SPG11: variants seen among roughly 807,000 people sequenced by gnomAD.
The protein encoded by SPG11 is spatacsin.
SPG11 carries 222 observed loss-of-function variants against 274.0 expected under a neutral mutation model. That is an observed-to-expected ratio of 0.81 (90% CI 0.73 to 0.91). The LOEUF (loss-of-function observed/expected upper bound fraction) is 0.91, where lower values mean the gene tolerates loss of function less well. Ranked by LOEUF, SPG11 falls within the 40% of genes least tolerant of loss-of-function variation. The pLI is 0.00. For synonymous variants in SPG11, 1,144 were observed against 1,039.7 expected (o/e 1.10, Z -1.93); for missense variants, 3,114 against 2,872.7 (o/e 1.08, Z -1.92).
intron 21 of SPG11, 44 bp downstream of exon 21, chr15:44,600,423 T>G: frequency 6.3e-7 from 1 of 1,598,434 alleles, no homozygotes; most frequent in Non-Finnish European, 8.6e-7. Context: ...GGATTACAGG[T>G]GTGAACCACT....
At chr15:44,603,673 C>T (rs2140989129) in intron 20 of SPG11, among the ~76,000 whole-genome samples, 1 of 152,200 alleles carries the variant, frequency 6.6e-6, no homozygotes, top group East Asian at 1.9e-4. Context: ...GGGATTGGTT[C>T]CTGAAACCCT....
chr15:44,621,626 T>C, intron 14 of SPG11, 133 bp downstream of exon 14: 2 of 889,920 alleles, frequency 2.2e-6, no homozygotes, highest in Non-Finnish European at 3.6e-6. Context: ...ATGCAACGAC[T>C]TGCATTTTAA....
At chr15:44,570,209 A>G (rs2082392259) in intron 34 of SPG11, among the ~76,000 whole-genome samples, 1 of 152,166 alleles carries the variant, frequency 6.6e-6, no homozygotes, top group African/African-American at 2.4e-5. Context: ...GGAAGGTCCA[A>G]ACCTTGTTTT....
At chr15:44,647,723 G>A in intron 7 of SPG11, among the ~76,000 whole-genome samples, 1 of 152,204 alleles carries the variant, frequency 6.6e-6, no homozygotes, top group East Asian at 1.9e-4. Context: ...AATCCAGTCA[G>A]AAAGTAGATT....
intron 39 of SPG11, among the ~76,000 whole-genome samples, chr15:44,563,531 T>G (rs1037498100): frequency 2.6e-5 from 4 of 152,162 alleles, no homozygotes; most frequent in Admixed American, 1.3e-4. Context: ...AGAGACAGCG[T>G]TCTGCTATGT....
At chr15:44,637,320 CT>C (rs1432345282) in intron 7 of SPG11, among the ~76,000 whole-genome samples, 1 of 151,980 alleles carries the variant, frequency 6.6e-6, no homozygotes, top group Non-Finnish European at 1.5e-5. Context: ...TTTGTTTTCC[CT>C]TTTTTCTTTG....
intron 28 of SPG11, chr15:44,588,764 C>T: frequency 3.2e-6 from 1 of 314,442 alleles, no homozygotes; most frequent in South Asian, 2.7e-5. Context: ...GCTCTCTACT[C>T]AGGGGATCGG....
At chr15:44,657,359 G>T in intron 3 of SPG11, 63 bp from the exon 4 acceptor site, 1 of 1,484,662 alleles carries the variant, frequency 6.7e-7, no homozygotes, top group Non-Finnish European at 9.4e-7. Context: ...TTAAAGCACA[G>T]GTTGGGAAAG....
chr15:44,636,925 CAAAAAAAAAAAAAAA>C (rs370928375), intron 7 of SPG11, among the ~76,000 whole-genome samples: 1,356 of 19,444 alleles, frequency 0.07, 18 homozygotes, highest in Non-Finnish European at 0.078. Flanking sequence ...GACTCCATCT[CAAAAAAAAAAAAAAA>C]AAAAAAAAAA....
At chr15:44,575,851 C>T (rs191112629) in intron 30 of SPG11, among the ~76,000 whole-genome samples, 16 of 151,864 alleles carry the variant, frequency 1.1e-4, no homozygotes, top group Non-Finnish European at 1.3e-4. Flanking sequence ...TTTTTTAAAA[C>T]GAAGCTCTTG....
intron 28 of SPG11, among the ~76,000 whole-genome samples, chr15:44,587,718 A>AAAAAAAAAAAAAAAAAAC (rs1567141736): frequency 5.4e-5 from 8 of 148,724 alleles, no homozygotes; most frequent in African/African-American, 2.1e-4. Flanking sequence ...AAAAAAAAAA[A>AAAAAAAAAAAAAAAAAAC]AACGTATTCC....
At chr15:44,576,568 G>A (rs1420618298) in intron 30 of SPG11, among the ~76,000 whole-genome samples, 1 of 151,532 alleles carries the variant, frequency 6.6e-6, no homozygotes, top group Non-Finnish European at 1.5e-5. Context: ...AGAATGGCGT[G>A]AACCCGGGAG....
Position 44,651,502 on chromosome 15 carries a change from A to G in SPG11, c.1445T>C (p.Phe482Ser). The G allele has an allele frequency of 6.2e-7, 1 of 1,614,052 alleles. No homozygotes were observed. Among genetic ancestry groups the G allele is most frequent in the Non-Finnish European group, 8.5e-7 (1 of 1,179,920 alleles). The stretch of plus-strand genomic sequence containing the variant: ...CAAGACAGTCTCACCTGTCAAAACA[A>G]AGCACAGCTGCTGGTCTCCACTACT... ...VDSSGDQQLC[F>S]VLTENGLSLI... is the part of the protein sequence containing the mutation. The change falls in exon 6 of 40, where the codon TTT (phenylalanine) becomes TCT (serine). Residue 482 changes from phenylalanine to serine, a missense_variant. Physicochemically the swap from Phe to Ser is radical, Grantham distance 155. Transcript: ENST00000261866.
At chr15:44,600,931 A>T (rs1410565014) in intron 20 of SPG11, among the ~76,000 whole-genome samples, 3 of 152,196 alleles carry the variant, frequency 2.0e-5, no homozygotes, top group Non-Finnish European at 4.4e-5. Flanking sequence ...AGGCAGGCGG[A>T]TGACCTGAGG....
intron 14 of SPG11, 52 bp downstream of exon 14, chr15:44,621,707 C>A: frequency 6.6e-7 from 1 of 1,504,370 alleles, no homozygotes; most frequent in Non-Finnish European, 9.2e-7. Context: ...ATATCAATAC[C>A]CAATTTAATC....
At chr15:44,620,449 T>C (rs567089982) in intron 14 of SPG11, 46 bp from the exon 15 acceptor site, 328 of 1,346,728 alleles carry the variant, frequency 2.4e-4, no homozygotes, top group Non-Finnish European at 3.2e-4. Context: ...ATTATGTCTA[T>C]TGACATGTAA....
intron 33 of SPG11, among the ~76,000 whole-genome samples, chr15:44,571,238 C>T (rs888636250): frequency 5.9e-5 from 9 of 152,328 alleles, no homozygotes; most frequent in African/African-American, 2.2e-4. Flanking sequence ...GCAGGGCCCT[C>T]TCCAGTCCTA....
At chr15:44,652,099 A>G (rs1055565640) in intron 5 of SPG11, 30 bp downstream of exon 5, 7 of 1,613,826 alleles carry the variant, frequency 4.3e-6, no homozygotes, top group Non-Finnish European at 5.9e-6. Flanking sequence ...AATAAGAACA[A>G]TAAACTACAT....
At chr15:44,636,930 A>AAAG (rs2084279286) in intron 7 of SPG11, among the ~76,000 whole-genome samples, 1 of 119,608 alleles carries the variant, frequency 8.4e-6, no homozygotes, top group Non-Finnish European at 1.8e-5. Context: ...CATCTCAAAA[A>AAAG]AAAAAAAAAA....
Sources: gnomAD v4.1 joint callset for allele counts (sites outside exome capture counted in the v4.1 genomes callset) on GRCh38, gnomAD v4.1.1 for gene constraint, MANE v1.5 for transcripts, NCBI Gene and HGNC (gene_info 2026-07-23, HGNC 2026-07-21) for gene names.